Variants in NALF1 observed in about 807,000 individuals in gnomAD.
NALF1 encodes NALCN channel auxiliary factor 1.
In NALF1, 3 loss-of-function variants were observed where a neutral mutation model predicts 48.4. The observed-to-expected ratio is 0.06, with a 90% CI of 0.03 to 0.16. NALF1 has a LOEUF of 0.16. NALF1 is among the 10% of genes least tolerant of loss of function. The pLI is 1.00. For synonymous variants in NALF1, 262 were observed against 245.7 expected (o/e 1.07, Z -0.62); for missense variants, 526 against 571.5 (o/e 0.92, Z 0.81).
intron 1 of NALF1, among the ~76,000 whole-genome samples, chr13:107,262,522 C>G (rs1358088837): frequency 6.6e-6 from 1 of 152,192 alleles, no homozygotes; most frequent in Non-Finnish European, 1.5e-5. Context: ...CTCCACGTAT[C>G]TGTTTCTCTG....
intron 1 of NALF1, among the ~76,000 whole-genome samples, chr13:107,635,817 GCA>G (rs1156773359): frequency 6.6e-6 from 1 of 152,088 alleles, no homozygotes; most frequent in Non-Finnish European, 1.5e-5. Context: ...CCTACTAGTT[GCA>G]CAGTTAATTG....
chr13:107,318,075 A>C (rs924743456), intron 1 of NALF1, among the ~76,000 whole-genome samples: 2 of 152,126 alleles, frequency 1.3e-5, no homozygotes, highest in Non-Finnish European at 2.9e-5. Context: ...TACGGTAAGG[A>C]GATACGACTG....
At chr13:107,503,685 T>C (rs1396540932) in intron 1 of NALF1, among the ~76,000 whole-genome samples, 1 of 151,526 alleles carries the variant, frequency 6.6e-6, no homozygotes, top group Non-Finnish European at 1.5e-5. Flanking sequence ...AAAGCCAAGA[T>C]ATGGAAACAA....
intron 1 of NALF1, among the ~76,000 whole-genome samples, chr13:107,433,570 T>G (rs183883937): frequency 1.2e-3 from 189 of 152,036 alleles, no homozygotes; most frequent in Non-Finnish European, 2.4e-3. Flanking sequence ...AAACTTAAGG[T>G]GTAATAATAA....
At position 107,362,966 on chromosome 13, in the gene NALF1, G is replaced by A. The variant is rs1020042368; in HGVS notation, c.916-152211C>T. ...ACTATGATGTCCCCAAGACTCAAAA[G>A]CTTACCATATAATAATTGGGATCGT... On this transcript the variant is annotated intron_variant, in intron 1 of 2. Coordinates refer to ENST00000375915, the MANE Select transcript of NALF1 (RefSeq NM_001080396.3). This position sits in a 1 kb window ranked among gnomAD's most constrained non-coding sequence, Gnocchi z 4.6. 4.6e-5 allele frequency among the ~76,000 whole-genome samples: 7 copies of A among 152,004 alleles called. No homozygotes were observed. Among genetic ancestry groups the A allele is most frequent in the Non-Finnish European group, 8.8e-5 (6 of 68,014 alleles).
At chr13:107,195,700 A>G (rs1879374986) in intron 2 of NALF1, among the ~76,000 whole-genome samples, 1 of 152,260 alleles carries the variant, frequency 6.6e-6, no homozygotes, top group African/African-American at 2.4e-5. Flanking sequence ...GAAAACTAAT[A>G]CAATCGGTTC....
chr13:107,181,310 A>C (rs1879055119), intron 2 of NALF1, among the ~76,000 whole-genome samples: 1 of 151,452 alleles, frequency 6.6e-6, no homozygotes, highest in African/African-American at 2.4e-5. Context: ...TGAGTAAAAT[A>C]TTCTTAAAAA....
intron 1 of NALF1, among the ~76,000 whole-genome samples, chr13:107,356,904 T>G (rs181581376): frequency 6.6e-6 from 1 of 152,328 alleles, no homozygotes; most frequent in Non-Finnish European, 1.5e-5. Context: ...AAAACAAATG[T>G]CAACCATACA....
chr13:107,269,913 A>ATTTTTTTTTTTTTTTT (rs71121514), intron 1 of NALF1, among the ~76,000 whole-genome samples: 4 of 89,050 alleles, frequency 4.5e-5, no homozygotes, highest in South Asian at 3.9e-4. Context: ...CGCCCGGCTA[A>ATTTTTTTTTTTTTTTT]TTTTTTTTTT....
intron 1 of NALF1, among the ~76,000 whole-genome samples, chr13:107,760,874 G>A (rs974623386): frequency 5.3e-5 from 8 of 152,034 alleles, no homozygotes; most frequent in African/African-American, 9.7e-5. Flanking sequence ...TAGTTGAGTC[G>A]GACTTGCTGT....
chr13:107,435,093 G>A (rs1566341059), intron 1 of NALF1, among the ~76,000 whole-genome samples: 1 of 152,076 alleles, frequency 6.6e-6, no homozygotes, highest in Non-Finnish European at 1.5e-5. Flanking sequence ...AAGATTTGGG[G>A]GTGGGGGGTA....
chr13:107,367,011 T>C (rs1883162915), intron 1 of NALF1, among the ~76,000 whole-genome samples: 1 of 152,074 alleles, frequency 6.6e-6, no homozygotes. Flanking sequence ...ACTCCAGGCG[T>C]TATTTTAGAG....
chr13:107,512,490 C>A (rs190019740), intron 1 of NALF1, among the ~76,000 whole-genome samples: 1 of 152,172 alleles, frequency 6.6e-6, no homozygotes, highest in African/African-American at 2.4e-5. Flanking sequence ...GCTTGGGACT[C>A]GGCTCATGAG....
chr13:107,186,122 T>C (rs1051432600), intron 2 of NALF1, among the ~76,000 whole-genome samples: 17 of 152,194 alleles, frequency 1.1e-4, no homozygotes, highest in Admixed American at 9.2e-4. Flanking sequence ...AGTCACTTAG[T>C]AGCTGTTTTG....
intron 1 of NALF1, among the ~76,000 whole-genome samples, chr13:107,325,855 C>CATATATATATATATATATAT (rs1228535140): frequency 5.6e-5 from 3 of 54,026 alleles, no homozygotes; most frequent in Non-Finnish European, 7.3e-5. Flanking sequence ...CACACACACA[C>CATATATATATATATATATAT]ATATATATAT....
chr13:107,517,588 C>A (rs1004003473), intron 1 of NALF1, among the ~76,000 whole-genome samples: 1 of 151,832 alleles, frequency 6.6e-6, no homozygotes, highest in Admixed American at 6.6e-5. Context: ...GCCAAGATCG[C>A]GCCACTGCTG....
rs151138728 is a variant in NALF1 at position 107,809,230 on chromosome 13, G to C, written c.915+56452C>G. ...TCACTTCTCATACTGCGGTTAATCA[G>C]GCCATGACCTAAATATGTTTTTACC... On this transcript the variant is annotated intron_variant, in intron 1 of 2. Coordinates refer to ENST00000375915, the MANE Select transcript of NALF1 (RefSeq NM_001080396.3). Among the ~76,000 whole-genome samples the C allele has an allele frequency of 5.3e-5, 8 of 151,962 alleles. 1 individual carries two copies. In the East Asian group the frequency reaches 1.5e-3, roughly 29 times the overall value.
rs557778553 is a variant in NALF1 at position 107,168,981 on chromosome 13, T to TTTTG, written c.*1512_*1515dup. ...GTAAAATTTTTTTTTTAATTATTTG[T>TTTTG]TTTGTTTGTTTGTTTGTTTTTTTAA... On this transcript the variant is annotated 3_prime_UTR_variant, in exon 3 of 3. Coordinates refer to ENST00000375915, the MANE Select transcript of NALF1 (RefSeq NM_001080396.3). 1 of 152,560 alleles carries TTTTG rather than the reference T, an allele frequency of 6.6e-6. No individual in the cohort carries two copies. 9.5% of individuals were successfully genotyped at this position (152,560 alleles called of 1,614,324 possible).
In NALF1 at chr13:107,298,146, G is replaced by A. The variant is rs189815792; in HGVS notation, c.916-87391C>T. ...GGGTGGAACACGAGGTCAGGAGATC[G>A]AGACCATCCTGGCTAACATGGTGAA... On this transcript the variant is annotated intron_variant, in intron 1 of 2. Coordinates refer to ENST00000375915, the MANE Select transcript of NALF1 (RefSeq NM_001080396.3). 8.9e-3 allele frequency among the ~76,000 whole-genome samples: 1,347 copies of A among 151,724 alleles called. 8 individuals carry two copies. The highest frequency in any genetic ancestry group is 0.044 in the Middle Eastern group (13 of 294).
Sources: allele counts gnomAD v4.1 joint callset (sites outside exome capture counted in the v4.1 genomes callset), GRCh38; gene constraint gnomAD v4.1.1; non-coding constraint Gnocchi (gnomAD v3.1); transcripts MANE v1.5; gene names NCBI Gene and HGNC (gene_info 2026-07-23, HGNC 2026-07-21).